Variants in FER1L6 observed in about 807,000 individuals in gnomAD.
FER1L6 encodes fer-1-like protein 6.
FER1L6 carries 177 observed loss-of-function variants against 219.2 expected under a neutral mutation model. The ratio of observed to expected loss-of-function variants is 0.81; its 90% CI spans 0.71 to 0.91. The LOEUF is 0.91. Ranked by LOEUF, FER1L6 falls within the 40% of genes least tolerant of loss-of-function variation. The probability of loss-of-function intolerance (pLI) is 0.00; values close to 1 mark genes in which losing one functional copy is unlikely to be tolerated. For synonymous variants in FER1L6, 768 were observed against 824.3 expected (o/e 0.93, Z 1.17); for missense variants, 2,153 against 2,259.9 (o/e 0.95, Z 0.96).
At chr8:123,980,936 G>T (rs761723061) in intron 11 of FER1L6, 125 bp downstream of exon 11, 1 of 790,424 alleles carries the variant, frequency 1.3e-6, no homozygotes, top group Non-Finnish European at 2.0e-6. Context: ...AATTTGTGTT[G>T]GCCCAGCCCT....
intron 12 of FER1L6, among the ~76,000 whole-genome samples, chr8:123,987,768 T>C (rs1563727031): frequency 2.0e-5 from 3 of 152,188 alleles, no homozygotes; most frequent in Admixed American, 2.0e-4. Context: ...GCACCATTTA[T>C]TGAAGAGACT....
chr8:124,093,623 C>CTACATGATTAAACAATTACCACT lies in FER1L6; in HGVS notation c.4553-1271_4553-1249dup, dbSNP rs1485411894. ...CCAACTTAGTTCTTTGGTCAATATT[C>CTACATGATTAAACAATTACCACT]TACATGATTAAACAATTACCACTTT... On this transcript the variant is annotated intron_variant, in intron 34 of 40. Transcript: ENST00000522917. 1.3e-5 allele frequency among the ~76,000 whole-genome samples: 2 copies of CTACATGATTAAACAATTACCACT among 151,922 alleles called. 1 individual carries two copies. The highest frequency in any genetic ancestry group is 1.3e-4 in the Admixed American group (2 of 15,252).
At chr8:124,053,213 C>T (rs1820130838) in intron 22 of FER1L6, among the ~76,000 whole-genome samples, 1 of 152,156 alleles carries the variant, frequency 6.6e-6, no homozygotes, top group African/African-American at 2.4e-5. Context: ...GCTCAGCTGT[C>T]TGGGTTCTGT....
intron 1 of FER1L6, among the ~76,000 whole-genome samples, chr8:123,855,454 G>A (rs896805530): frequency 5.9e-5 from 9 of 152,216 alleles, no homozygotes; most frequent in Admixed American, 2.6e-4. Context: ...GAGGGCAGGC[G>A]TAGAGCAGAG....
chr8:124,021,538 G>A lies in FER1L6; in HGVS notation c.2014-12G>A. On this transcript the variant is annotated splice_polypyrimidine_tract_variant and intron_variant, in intron 16 of 40. Coordinates refer to ENST00000522917, the MANE Select transcript of FER1L6 (RefSeq NM_001039112.2). ...TCTCGAAAGACCCACACTGACTCTT[G>A]TCTTGTTTTAGGAAGCAATGTGCAA... 2 of 1,613,780 alleles carry A rather than the reference G, an allele frequency of 1.2e-6. No homozygotes were observed. The highest frequency in any genetic ancestry group is 8.5e-7 in the Non-Finnish European group (1 of 1,179,738).
intron 32 of FER1L6, among the ~76,000 whole-genome samples, chr8:124,080,988 T>C (rs533194875): frequency 3.4e-4 from 52 of 152,274 alleles, no homozygotes; most frequent in Non-Finnish European, 3.5e-4. Flanking sequence ...GCGTCTCTGC[T>C]TTTCTCTCTC....
intron 35 of FER1L6, among the ~76,000 whole-genome samples, 170 bp from the exon 36 acceptor site, chr8:124,097,101 A>G (rs915355527): frequency 1.5e-5 from 2 of 130,504 alleles, no homozygotes; most frequent in African/African-American, 5.6e-5. Context: ...ATATACATAC[A>G]TACATACTTT....
chr8:124,095,080 G>A lies in FER1L6; in HGVS notation c.4695+42G>A, dbSNP rs747506076. ...TTCTGGCCCTAAAAGTTAATCTTGT[G>A]TACTGTAGAGTAATGGTTTTCATCC... On this transcript the variant is annotated intron_variant, in intron 35 of 40. Coordinates refer to ENST00000522917, the MANE Select transcript of FER1L6 (RefSeq NM_001039112.2). 4 of 1,609,524 alleles carry A rather than the reference G, an allele frequency of 2.5e-6. No homozygotes were observed. The African/African-American group carries it at 4.0e-5, about 16-fold the overall frequency.
At chr8:123,948,799 C>T (rs1814618707) in intron 1 of FER1L6, among the ~76,000 whole-genome samples, 1 of 149,422 alleles carries the variant, frequency 6.7e-6, no homozygotes, top group Admixed American at 6.7e-5. Flanking sequence ...TTTTAAATAT[C>T]AGAGGACATC....
chr8:123,869,780 T>A (rs1388849857), intron 1 of FER1L6, among the ~76,000 whole-genome samples: 1 of 152,208 alleles, frequency 6.6e-6, no homozygotes, highest in Non-Finnish European at 1.5e-5. Flanking sequence ...TCTACCTGAT[T>A]TCAAGACTTA....
chr8:123,961,059 G>A (rs140789035), intron 2 of FER1L6, among the ~76,000 whole-genome samples: 270 of 152,142 alleles, frequency 1.8e-3, no homozygotes, highest in African/African-American at 6.1e-3. Context: ...GACAGCCTGC[G>A]CAACATAGTG....
chr8:123,989,867 C>A (rs1288039584), intron 12 of FER1L6, among the ~76,000 whole-genome samples: 1 of 152,176 alleles, frequency 6.6e-6, no homozygotes, highest in Non-Finnish European at 1.5e-5. Flanking sequence ...TGTGCTGCAA[C>A]AAACATAAAC....
chr8:123,869,513 C>G (rs1181251929), intron 1 of FER1L6, among the ~76,000 whole-genome samples: 1 of 152,150 alleles, frequency 6.6e-6, no homozygotes, highest in Non-Finnish European at 1.5e-5. Flanking sequence ...GTGCTACCCA[C>G]TCCCTAAAGC....
chr8:124,071,684 A>G, intron 31 of FER1L6, 53 bp downstream of exon 31: 1 of 1,568,570 alleles, frequency 6.4e-7, no homozygotes, highest in Admixed American at 1.8e-5. Flanking sequence ...TCAGGCTGCC[A>G]TAACAAAATA....
At chr8:123,994,418 T>C (rs1817027625) in intron 12 of FER1L6, among the ~76,000 whole-genome samples, 1 of 152,148 alleles carries the variant, frequency 6.6e-6, no homozygotes, top group Non-Finnish European at 1.5e-5. Flanking sequence ...CAGCTGCCTT[T>C]TCTGTACGGA....
chr8:124,004,001 C>T (rs1451981587), intron 13 of FER1L6, among the ~76,000 whole-genome samples: 1 of 149,570 alleles, frequency 6.7e-6, no homozygotes, highest in Admixed American at 6.8e-5. Context: ...TCCAAATCCT[C>T]TTATTATATT....
intron 1 of FER1L6, among the ~76,000 whole-genome samples, chr8:123,923,359 G>A (rs888680166): frequency 1.3e-5 from 2 of 152,190 alleles, no homozygotes; most frequent in African/African-American, 4.8e-5. Context: ...TGGCTTTGAT[G>A]CCCTTGCTTT....
intron 1 of FER1L6, among the ~76,000 whole-genome samples, chr8:123,888,987 A>C (rs1586442192): frequency 6.6e-6 from 1 of 152,352 alleles, no homozygotes; most frequent in Non-Finnish European, 1.5e-5. Context: ...ATTATTGACA[A>C]CATAAACATA....
At chr8:123,979,072 G>A (rs1816213191) in intron 10 of FER1L6, among the ~76,000 whole-genome samples, 1 of 152,014 alleles carries the variant, frequency 6.6e-6, no homozygotes. Flanking sequence ...TCTACTCAAG[G>A]AAGAGCTAGA....
Sources: gnomAD v4.1 joint callset for allele counts (sites outside exome capture counted in the v4.1 genomes callset) on GRCh38, gnomAD v4.1.1 for gene constraint, MANE v1.5 for transcripts, NCBI Gene and HGNC (gene_info 2026-07-23, HGNC 2026-07-21) for gene names.